The following GAREM1 variants were observed in gnomAD, a reference collection of about 807,000 sequenced individuals.
The protein encoded by GAREM1 is GRB2-associated and regulator of MAPK protein 1.
In GAREM1, 26 loss-of-function variants were observed where a neutral mutation model predicts 71.3. The ratio of observed to expected loss-of-function variants is 0.36; its 90% CI spans 0.27 to 0.51. GAREM1 has a LOEUF of 0.51. Ranked by LOEUF, GAREM1 falls within the 20% of genes least tolerant of loss-of-function variation. GAREM1 has a pLI of 0.95. For missense variants in GAREM1, 1,026 were observed against 1,103.1 expected (o/e 0.93, Z 0.99); for synonymous variants, 440 against 433.2 (o/e 1.02, Z -0.20).
chr18:32,355,431 AT>A (rs58466172), intron 2 of GAREM1, among the ~76,000 whole-genome samples: 15,146 of 152,144 alleles, frequency 0.1, 1,413 homozygotes, highest in African/African-American at 0.24. Context: ...CTAGATTTCT[AT>A]TTATGATATT....
At chr18:32,431,692 AT>A (rs1240700222) in intron 1 of GAREM1, among the ~76,000 whole-genome samples, 1 of 152,174 alleles carries the variant, frequency 6.6e-6, no homozygotes, top group African/African-American at 2.4e-5. Flanking sequence ...AAAGATATAA[AT>A]TTACAGACTC....
At chr18:32,317,664 A>G (rs2047392307) in intron 2 of GAREM1, among the ~76,000 whole-genome samples, 1 of 151,824 alleles carries the variant, frequency 6.6e-6, no homozygotes, top group Admixed American at 6.6e-5. Context: ...TTGCAAGATA[A>G]AATTTCTATG....
At chr18:32,311,283 A>T (rs1380034640) in intron 2 of GAREM1, among the ~76,000 whole-genome samples, 1 of 152,218 alleles carries the variant, frequency 6.6e-6, no homozygotes, top group Non-Finnish European at 1.5e-5. Flanking sequence ...GAAACTTAAA[A>T]GGAATTAAAA....
intron 3 of GAREM1, among the ~76,000 whole-genome samples, chr18:32,302,701 T>C (rs2047212766): frequency 6.6e-6 from 1 of 152,082 alleles, no homozygotes; most frequent in Admixed American, 6.5e-5. Flanking sequence ...TGTCAGAGGC[T>C]GGAGAGTGGG....
chr18:32,436,314 T>C (rs890389133), intron 1 of GAREM1, among the ~76,000 whole-genome samples: 1 of 152,136 alleles, frequency 6.6e-6, no homozygotes, highest in Non-Finnish European at 1.5e-5. Flanking sequence ...AGGCAGAACA[T>C]AGAGCCATTA....
intron 2 of GAREM1, among the ~76,000 whole-genome samples, chr18:32,338,599 A>T (rs2047619295): frequency 6.6e-6 from 1 of 152,216 alleles, no homozygotes; most frequent in Admixed American, 6.5e-5. Context: ...GCTCCTTAAC[A>T]AGCAATGGCC....
intron 2 of GAREM1, among the ~76,000 whole-genome samples, chr18:32,349,758 T>C (rs969712587): frequency 5.3e-5 from 8 of 152,236 alleles, no homozygotes; most frequent in African/African-American, 1.9e-4. Flanking sequence ...ATGTATCGTG[T>C]GGGCTTGTAA....
At chr18:32,382,352 T>C (rs2048105485) in intron 2 of GAREM1, among the ~76,000 whole-genome samples, 1 of 152,068 alleles carries the variant, frequency 6.6e-6, no homozygotes, top group African/African-American at 2.4e-5. Context: ...ATTTCACTAT[T>C]CTTCTTCTTG....
chr18:32,342,520 C>T (rs902897537), intron 2 of GAREM1, among the ~76,000 whole-genome samples: 12 of 152,150 alleles, frequency 7.9e-5, no homozygotes, highest in African/African-American at 2.7e-4. Flanking sequence ...AGAAAGGCAG[C>T]GCTCTCTCCT....
At chr18:32,463,074 T>C (rs2048966906) in intron 1 of GAREM1, among the ~76,000 whole-genome samples, 1 of 142,316 alleles carries the variant, frequency 7.0e-6, no homozygotes, top group Non-Finnish European at 1.5e-5. Flanking sequence ...GAGGATTTTA[T>C]ATGTTCCCAC....
chr18:32,277,926 C>T lies in GAREM1; in HGVS notation c.1567-7543G>A, dbSNP rs2041563510. Among the ~76,000 whole-genome samples, 2 of 152,200 alleles carry T rather than the reference C, an allele frequency of 1.3e-5. 1 individual carries two copies. Among genetic ancestry groups the T allele is most frequent in the African/African-American group, 4.8e-5 (2 of 41,452 alleles). ...AATTGGAGTGCTTTCTACATAGTAT[C>T]TATGAAATAATTTCTTTCTCCTGTT... is the stretch of plus-strand genomic sequence containing the variant. On this transcript the variant is annotated intron_variant, in intron 4 of 5. Coordinates refer to ENST00000269209, the MANE Select transcript of GAREM1 (RefSeq NM_001242409.2).
chr18:32,280,626 T>C (rs1164912780), intron 4 of GAREM1, among the ~76,000 whole-genome samples: 3 of 152,216 alleles, frequency 2.0e-5, no homozygotes, highest in East Asian at 3.8e-4. Flanking sequence ...GGGCATATGA[T>C]GATTACAAAG....
chr18:32,425,276 G>A (rs1019416353), intron 1 of GAREM1, among the ~76,000 whole-genome samples: 3 of 152,154 alleles, frequency 2.0e-5, no homozygotes, highest in Admixed American at 2.0e-4. Context: ...AACCATCACT[G>A]TGGCACAAAA....
intron 2 of GAREM1, among the ~76,000 whole-genome samples, chr18:32,313,434 T>C (rs1181122715): frequency 1.3e-5 from 2 of 152,184 alleles, no homozygotes; most frequent in East Asian, 1.9e-4. Flanking sequence ...GGTTATGATG[T>C]GGTCTAAGGA....
chr18:32,379,542 T>C (rs947734004), intron 2 of GAREM1, among the ~76,000 whole-genome samples: 19 of 142,878 alleles, frequency 1.3e-4, no homozygotes, highest in Non-Finnish European at 2.6e-4. Context: ...CCATCTCTAC[T>C]AAAATACAAA....
chr18:32,283,381 C>T (rs2046974698), intron 4 of GAREM1, among the ~76,000 whole-genome samples: 1 of 152,044 alleles, frequency 6.6e-6, no homozygotes, highest in African/African-American at 2.4e-5. Context: ...CCCATCTCTA[C>T]TAAAAATACA....
chr18:32,310,097 TAGGAG>T, intron 3 of GAREM1, 91 bp downstream of exon 3: 1 of 1,400,974 alleles, frequency 7.1e-7, no homozygotes, highest in South Asian at 1.3e-5. Flanking sequence ...AAAACCCTCC[TAGGAG>T]ACACAGATGA....
intron 2 of GAREM1, among the ~76,000 whole-genome samples, chr18:32,385,464 C>T (rs2048137325): frequency 1.3e-5 from 2 of 152,020 alleles, no homozygotes; most frequent in African/African-American, 2.4e-5. Context: ...AGCAGCTGTC[C>T]CCTCTGAGGC....
At chr18:32,359,634 A>G (rs1411044102) in intron 2 of GAREM1, among the ~76,000 whole-genome samples, 1 of 152,018 alleles carries the variant, frequency 6.6e-6, no homozygotes, top group Non-Finnish European at 1.5e-5. Flanking sequence ...ATGGTTGAGG[A>G]CATCATGTGA....
Sources: allele counts gnomAD v4.1 joint callset (sites outside exome capture counted in the v4.1 genomes callset), GRCh38; gene constraint gnomAD v4.1.1; transcripts MANE v1.5; gene names NCBI Gene and HGNC (gene_info 2026-07-23, HGNC 2026-07-21).